Variants in MNAT1 observed in about 807,000 individuals in gnomAD.
MNAT1 encodes CDK-activating kinase assembly factor MAT1.
In MNAT1, 43 loss-of-function variants were observed where a neutral mutation model predicts 42.0. That is an observed-to-expected ratio of 1.02 (90% confidence interval 0.80 to 1.32). MNAT1 has a LOEUF of 1.32. Ranked by LOEUF, MNAT1 falls within the 40% of genes most tolerant of loss-of-function variation. MNAT1 has a pLI of 0.00. For synonymous variants in MNAT1, 118 were observed against 120.0 expected (o/e 0.98, Z 0.11); for missense variants, 306 against 350.4 (o/e 0.87, Z 1.01).
rs1033298068 is a variant in MNAT1, at chr14:60,826,317, T to C, written c.687+7470T>C. On this transcript the variant is annotated intron_variant, in intron 6 of 7. Transcript: ENST00000261245. ...GCATGAATAGGAGAAATTTTTTTTT[T>C]TTTTTTTTTTTTTTTTTGAGATGGA... Among the ~76,000 whole-genome samples, 185 of 141,408 alleles carry C rather than the reference T, an allele frequency of 1.3e-3. 19 individuals are homozygous for C. Among genetic ancestry groups the C allele is most frequent in the African/African-American group, 1.6e-3 (61 of 37,256 alleles). The allele number at this position is 141,408 out of a possible 152,430, so 92.8% of individuals were successfully genotyped here.
intron 1 of MNAT1, among the ~76,000 whole-genome samples, chr14:60,754,434 G>A (rs1360003095): frequency 2.0e-5 from 3 of 146,756 alleles, no homozygotes; most frequent in African/African-American, 2.5e-5. Flanking sequence ...TGCAACCTCC[G>A]CCTCCCAGGT....
chr14:60,783,298 G>A (rs999434115), intron 1 of MNAT1, among the ~76,000 whole-genome samples: 4 of 152,134 alleles, frequency 2.6e-5, no homozygotes, highest in Non-Finnish European at 4.4e-5. Context: ...CAGATTTCTG[G>A]CCTGCACTTA....
intron 7 of MNAT1, among the ~76,000 whole-genome samples, chr14:60,911,643 C>T (rs2035366740): frequency 6.6e-6 from 1 of 152,152 alleles, no homozygotes; most frequent in Admixed American, 6.5e-5. Flanking sequence ...GAGTGAGTTT[C>T]TTAATCCTGA....
intron 6 of MNAT1, among the ~76,000 whole-genome samples, chr14:60,848,285 G>C (rs972436853): frequency 6.6e-6 from 1 of 152,094 alleles, no homozygotes; most frequent in African/African-American, 2.4e-5. Context: ...TCTCATTGAG[G>C]GTCCATTGTG....
intron 7 of MNAT1, among the ~76,000 whole-genome samples, chr14:60,949,633 G>A (rs1025332366): frequency 6.6e-6 from 1 of 152,092 alleles, no homozygotes; most frequent in African/African-American, 2.4e-5. Context: ...TTTAAAATAA[G>A]AGGAAAATAT....
At chr14:60,809,128 T>A (rs1258707000) in intron 4 of MNAT1, 1 of 152,122 alleles carries the variant, frequency 6.6e-6, no homozygotes, top group African/African-American at 2.4e-5. Context: ...TTATACACTT[T>A]AGCTATCATT....
At chr14:60,737,527 CA>C (rs1896339939) in intron 1 of MNAT1, among the ~76,000 whole-genome samples, 1 of 151,878 alleles carries the variant, frequency 6.6e-6, no homozygotes, top group Admixed American at 6.6e-5. Context: ...TTATTTACCC[CA>C]ATTTTTAAAA....
chr14:60,859,284 G>T (rs753567455), intron 6 of MNAT1, among the ~76,000 whole-genome samples: 2 of 152,144 alleles, frequency 1.3e-5, no homozygotes, highest in Non-Finnish European at 2.9e-5. Flanking sequence ...AAGGATATTG[G>T]CATGGGGATT....
intron 6 of MNAT1, among the ~76,000 whole-genome samples, chr14:60,834,746 T>G (rs1022053446): frequency 6.6e-6 from 1 of 152,186 alleles, no homozygotes; most frequent in Non-Finnish European, 1.5e-5. Context: ...AGTCTAAAAT[T>G]GACAGTGGGG....
At chr14:60,960,329 T>G (rs1228417915) in intron 7 of MNAT1, among the ~76,000 whole-genome samples, 1 of 152,246 alleles carries the variant, frequency 6.6e-6, no homozygotes. Flanking sequence ...TAGCTTCTTT[T>G]GTCAGACCAT....
intron 7 of MNAT1, among the ~76,000 whole-genome samples, chr14:60,911,851 G>A (rs1014036422): frequency 1.3e-5 from 2 of 151,890 alleles, no homozygotes; most frequent in African/African-American, 4.8e-5. Flanking sequence ...TTGGTGCAGA[G>A]CTGAGTTCAA....
chr14:60,840,848 A>G (rs1456620538), intron 6 of MNAT1, among the ~76,000 whole-genome samples: 1 of 152,068 alleles, frequency 6.6e-6, no homozygotes, highest in Non-Finnish European at 1.5e-5. Flanking sequence ...TATTTTTAGT[A>G]GAGACGGGAT....
chr14:60,916,963 A>G (rs892730118), intron 7 of MNAT1, among the ~76,000 whole-genome samples: 1 of 152,174 alleles, frequency 6.6e-6, no homozygotes, highest in Non-Finnish European at 1.5e-5. Context: ...CAAAAAATTT[A>G]AAAAAATTAA....
At chr14:60,912,794 G>A (rs142630441) in intron 7 of MNAT1, among the ~76,000 whole-genome samples, 2,464 of 152,182 alleles carry the variant, frequency 0.016, 35 homozygotes, top group East Asian at 0.089. Flanking sequence ...GAATCTGACA[G>A]TTATGTGTCT....
chr14:60,738,649 T>G (rs1032424853), intron 1 of MNAT1, among the ~76,000 whole-genome samples: 6 of 151,858 alleles, frequency 4.0e-5, no homozygotes, highest in Non-Finnish European at 8.8e-5. Flanking sequence ...AGTTCTCCTG[T>G]CTCAGCCTTC....
At chr14:60,828,249 T>C (rs2033110170) in intron 6 of MNAT1, among the ~76,000 whole-genome samples, 2 of 152,178 alleles carry the variant, frequency 1.3e-5, no homozygotes, top group South Asian at 4.1e-4. Flanking sequence ...ATGCCTACAT[T>C]ATAGAGTTCC....
intron 1 of MNAT1, among the ~76,000 whole-genome samples, chr14:60,776,672 T>C (rs145614304): frequency 6.6e-6 from 1 of 152,120 alleles, no homozygotes; most frequent in East Asian, 1.9e-4. Context: ...GCAATATGAG[T>C]ATGTATTACG....
chr14:60,826,402 T>A (rs2033059096), intron 6 of MNAT1, among the ~76,000 whole-genome samples: 1 of 149,900 alleles, frequency 6.7e-6, no homozygotes, highest in South Asian at 2.2e-4. Flanking sequence ...CTGCCACCTC[T>A]GCCTCCTGGG....
chr14:60,782,412 TA>T (rs1001025370), intron 1 of MNAT1, among the ~76,000 whole-genome samples: 2 of 152,150 alleles, frequency 1.3e-5, no homozygotes, highest in African/African-American at 2.4e-5. Context: ...TTGATACCTT[TA>T]TTTTTTTTGT....
Sources: gnomAD v4.1 joint callset for allele counts (sites outside exome capture counted in the v4.1 genomes callset) on GRCh38, gnomAD v4.1.1 for gene constraint, MANE v1.5 for transcripts, NCBI Gene and HGNC (gene_info 2026-07-23, HGNC 2026-07-21) for gene names.